Variants in ADARB2 observed in about 807,000 individuals in gnomAD.
ADARB2 encodes the protein adenosine deaminase RNA specific B2 (inactive).
ADARB2 carries 25 observed loss-of-function variants against 62.2 expected under a neutral mutation model. That is an observed-to-expected ratio of 0.40 (90% CI 0.29 to 0.56). The LOEUF (loss-of-function observed/expected upper bound fraction) is 0.56. ADARB2 is among the 20% of genes least tolerant of loss of function. The probability of loss-of-function intolerance (pLI) is 0.43; values close to 1 mark genes in which losing one functional copy is unlikely to be tolerated. For missense variants in ADARB2, 1,071 were observed against 1,077.4 expected (o/e 0.99, Z 0.08); for synonymous variants, 572 against 500.8 (o/e 1.14, Z -1.90).
intron 1 of ADARB2, among the ~76,000 whole-genome samples, chr10:1,507,158 GT>G (rs1831862805): frequency 6.6e-6 from 1 of 152,240 alleles, no homozygotes; most frequent in Non-Finnish European, 1.5e-5. Flanking sequence ...TGGCTGTCGA[GT>G]GACTTCCCTA....
intron 3 of ADARB2, among the ~76,000 whole-genome samples, chr10:1,324,286 T>G (rs1482110443): frequency 6.6e-6 from 1 of 152,224 alleles, no homozygotes; most frequent in Admixed American, 6.5e-5. Flanking sequence ...GGGTCCCTCA[T>G]GCCTTGTCTG....
At chr10:1,431,988 G>A (rs748720596) in intron 1 of ADARB2, among the ~76,000 whole-genome samples, 3 of 152,054 alleles carry the variant, frequency 2.0e-5, no homozygotes, top group African/African-American at 2.4e-5. Flanking sequence ...TCAGCTCCCC[G>A]CCACACTTCA....
chr10:1,580,698 A>C (rs1833086287), intron 1 of ADARB2, among the ~76,000 whole-genome samples: 1 of 152,036 alleles, frequency 6.6e-6, no homozygotes, highest in African/African-American at 2.4e-5. Flanking sequence ...TCTTGGATCC[A>C]CATTGGAACA....
intron 3 of ADARB2, among the ~76,000 whole-genome samples, chr10:1,278,118 C>T (rs529746157): frequency 1.2e-4 from 19 of 152,050 alleles, no homozygotes; most frequent in African/African-American, 2.9e-4. Context: ...TACAGGCGCG[C>T]GCCACTATGC....
intron 1 of ADARB2, among the ~76,000 whole-genome samples, chr10:1,632,103 T>C (rs1833851135): frequency 6.6e-6 from 1 of 152,238 alleles, no homozygotes; most frequent in South Asian, 2.1e-4. Context: ...TTTTAGCTAA[T>C]ATTTAAGCTG....
At chr10:1,510,106 T>TTCTC (rs879666484) in intron 1 of ADARB2, among the ~76,000 whole-genome samples, 3,982 of 125,452 alleles carry the variant, frequency 0.032, 130 homozygotes, top group Non-Finnish European at 0.041. Context: ...TTTTCTTTCT[T>TTCTC]TCTCTCTTTC....
Position 1,401,304 on chromosome 10 carries a change from G to A in ADARB2, c.101-22144C>T, listed in dbSNP as rs75570958. 4.3e-4 allele frequency among the ~76,000 whole-genome samples: 65 copies of A among 152,338 alleles called. No homozygotes were observed. In the East Asian group the frequency reaches 0.011, roughly 26 times the overall value. On this transcript the variant is annotated intron_variant, in intron 1 of 9. Transcript: ENST00000381312. ...ACCCATGGGAAGGAGGCGTGATGATGGTAAGCAGCACAGAGCCCTGCGGGG... is the reference window on the plus strand; with the variant it reads ...ACCCATGGGAAGGAGGCGTGATGATAGTAAGCAGCACAGAGCCCTGCGGGG...
intron 2 of ADARB2, among the ~76,000 whole-genome samples, chr10:1,364,914 C>T (rs1450421988): frequency 6.7e-6 from 1 of 150,302 alleles, no homozygotes; most frequent in East Asian, 2.0e-4. Context: ...ACTCTGTTGC[C>T]CAGGCTGGAG....
chr10:1,482,492 C>A (rs981971768), intron 1 of ADARB2, among the ~76,000 whole-genome samples: 1 of 152,042 alleles, frequency 6.6e-6, no homozygotes, highest in South Asian at 2.1e-4. Flanking sequence ...TTCGTAGAGA[C>A]CAAAAGCAAA....
chr10:1,565,007 G>T (rs1291564989), intron 1 of ADARB2, among the ~76,000 whole-genome samples: 1 of 152,200 alleles, frequency 6.6e-6, no homozygotes, highest in Non-Finnish European at 1.5e-5. Context: ...CCTGGGGGCC[G>T]ACGTGCAGCA....
chr10:1,250,697 C>T (rs1041648407), intron 4 of ADARB2, among the ~76,000 whole-genome samples: 1 of 152,122 alleles, frequency 6.6e-6, no homozygotes, highest in Non-Finnish European at 1.5e-5. Context: ...TTATAAAGTA[C>T]CCAGTCTCAT....
At chr10:1,628,241 AG>A (rs1449575741) in intron 1 of ADARB2, among the ~76,000 whole-genome samples, 5 of 152,204 alleles carry the variant, frequency 3.3e-5, no homozygotes, top group African/African-American at 1.2e-4. Context: ...TCAAGGAGCG[AG>A]GGGGCCTCAT....
chr10:1,360,660 C>A (rs577925221), intron 3 of ADARB2, among the ~76,000 whole-genome samples: 1 of 152,158 alleles, frequency 6.6e-6, no homozygotes, highest in Non-Finnish European at 1.5e-5. Flanking sequence ...GCATGGGGAG[C>A]GGTACGAGGG....
intron 1 of ADARB2, among the ~76,000 whole-genome samples, chr10:1,616,056 G>C (rs568998684): frequency 1.1e-4 from 16 of 152,354 alleles, no homozygotes; most frequent in African/African-American, 3.8e-4. Flanking sequence ...GCTGGTGGCA[G>C]GGGGAGGCTG....
chr10:1,421,665 G>A (rs946937259), intron 1 of ADARB2, among the ~76,000 whole-genome samples: 104 of 152,158 alleles, frequency 6.8e-4, no homozygotes, highest in Non-Finnish European at 1.4e-3. Flanking sequence ...TGGGGCTGCT[G>A]TTGTGGAAGT....
chr10:1,491,405 T>C (rs755088305), intron 1 of ADARB2, among the ~76,000 whole-genome samples: 2 of 152,164 alleles, frequency 1.3e-5, no homozygotes, highest in Non-Finnish European at 2.9e-5. Context: ...TGAAACCTTT[T>C]ATTTAACTGG....
At chr10:1,531,709 T>G (rs1273444524) in intron 1 of ADARB2, among the ~76,000 whole-genome samples, 3 of 152,088 alleles carry the variant, frequency 2.0e-5, no homozygotes, top group Admixed American at 6.6e-5. Flanking sequence ...TGGTGTCAAA[T>G]GCCTGTAATC....
chr10:1,501,510 C>T (rs1831768249), intron 1 of ADARB2, among the ~76,000 whole-genome samples: 1 of 152,182 alleles, frequency 6.6e-6, no homozygotes, highest in African/African-American at 2.4e-5. Context: ...TAGAATGGCT[C>T]TTTCTCTCTC....
Position 1,199,948 on chromosome 10 carries a change from C to G in ADARB2, c.1864+18G>C, listed in dbSNP as rs755370007. The G allele has an allele frequency of 4.7e-6, 7 of 1,500,670 alleles. No homozygotes were observed. The highest frequency in any genetic ancestry group is 5.3e-6 in the Non-Finnish European group (6 of 1,126,542). The allele number at this position is 1,500,670 out of a possible 1,614,324, so 93.0% of individuals were successfully genotyped here. A position where few individuals can be genotyped will look rare whatever the true frequency, so the allele number is the denominator to read the frequency against. On this transcript the variant is annotated intron_variant, in intron 8 of 9. Coordinates refer to ENST00000381312, the MANE Select transcript of ADARB2 (RefSeq NM_018702.4). The stretch of plus-strand genomic sequence containing the variant: ...TGGTGGGAAGGAGGTGGAGGGCCCC[C>G]GGGAAGGGGGTTCTTACCGCTGAGG...
Sources: allele counts gnomAD v4.1 joint callset (sites outside exome capture counted in the v4.1 genomes callset), GRCh38; gene constraint gnomAD v4.1.1; transcripts MANE v1.5; gene names NCBI Gene and HGNC (gene_info 2026-07-23, HGNC 2026-07-21).